NCAM2: variants seen among roughly 807,000 people sequenced by gnomAD.
The protein encoded by NCAM2 is N-CAM-2.
A neutral mutation model predicts 98.1 loss-of-function variants in NCAM2; 30 were observed. The observed-to-expected ratio is 0.31, with a 90% CI of 0.23 to 0.41. The LOEUF (loss-of-function observed/expected upper bound fraction) is 0.41. Ranked by LOEUF, NCAM2 falls within the 10% of genes least tolerant of loss-of-function variation. The pLI is 1.00. For missense variants in NCAM2, 867 were observed against 1,005.8 expected, an observed-to-expected ratio of 0.86 and a Z score of 1.87; for synonymous variants, 368 against 342.4, an observed-to-expected ratio of 1.07 and a Z score of -0.83.
chr21:21,279,834 C>T (rs1013487694), intron 1 of NCAM2, among the ~76,000 whole-genome samples: 6 of 152,184 alleles, frequency 3.9e-5, no homozygotes, highest in Admixed American at 1.3e-4. Flanking sequence ...AGCTCAAGTA[C>T]GTGCATTTGA....
chr21:21,073,260 C>G lies in NCAM2; in HGVS notation c.55+74642C>G, dbSNP rs143642115. ...TATAAATGCTATTCACCAAGACTTC[C>G]TTTTAAAATTCCATAAAATTTTTAG... On this transcript the variant is annotated intron_variant, in intron 1 of 17. Coordinates refer to ENST00000400546, the MANE Select transcript of NCAM2 (RefSeq NM_004540.5). Among the ~76,000 whole-genome samples, 61 of 152,222 alleles carry G rather than the reference C, an allele frequency of 4.0e-4. No homozygotes were observed. In the East Asian group the frequency reaches 0.011, roughly 27 times the overall value.
intron 5 of NCAM2, among the ~76,000 whole-genome samples, chr21:21,299,923 A>C (rs1428479642): frequency 2.0e-5 from 3 of 151,960 alleles, no homozygotes; most frequent in Admixed American, 6.6e-5. Flanking sequence ...TATAGCCTAC[A>C]CACATTCTTC....
At chr21:21,109,737 C>G (rs894109082) in intron 1 of NCAM2, among the ~76,000 whole-genome samples, 1 of 152,050 alleles carries the variant, frequency 6.6e-6, no homozygotes, top group African/African-American at 2.4e-5. Context: ...TTTTCTGTTT[C>G]TCAACTGTTA....
At chr21:21,104,698 G>A (rs2066310196) in intron 1 of NCAM2, among the ~76,000 whole-genome samples, 2 of 152,152 alleles carry the variant, frequency 1.3e-5, no homozygotes, top group African/African-American at 2.4e-5. Flanking sequence ...GCATTAGCAA[G>A]GTGTGGTAAC....
intron 1 of NCAM2, among the ~76,000 whole-genome samples, chr21:21,048,222 AACCTAAACATTTCATTTCT>A (rs2065037293): frequency 2.0e-5 from 3 of 152,168 alleles, no homozygotes; most frequent in Admixed American, 6.5e-5. Flanking sequence ...CCTTTATCTT[AACCTAAACATTTCATTTCT>A]ATTAATCCCA....
chr21:21,341,974 G>C (rs1224693623), intron 8 of NCAM2, among the ~76,000 whole-genome samples: 3 of 152,056 alleles, frequency 2.0e-5, no homozygotes, highest in African/African-American at 7.2e-5. Flanking sequence ...AGAAAAAAAG[G>C]AGTGGTTAGG....
chr21:21,436,759 C>CT (rs71322061), intron 12 of NCAM2, among the ~76,000 whole-genome samples: 53,819 of 141,448 alleles, frequency 0.38, 9,965 homozygotes, highest in South Asian at 0.5. Flanking sequence ...ACAGAAGCAA[C>CT]TTTTTTTTTC....
At chr21:21,218,535 A>G (rs2070003450) in intron 1 of NCAM2, among the ~76,000 whole-genome samples, 1 of 152,214 alleles carries the variant, frequency 6.6e-6, no homozygotes, top group Non-Finnish European at 1.5e-5. Flanking sequence ...CTTAAAATAG[A>G]AAGATTATTA....
At chr21:21,256,654 T>C (rs1405975730) in intron 1 of NCAM2, among the ~76,000 whole-genome samples, 7 of 152,150 alleles carry the variant, frequency 4.6e-5, no homozygotes, top group African/African-American at 1.7e-4. Flanking sequence ...TGAATCCAGA[T>C]ACTGAGATCA....
intron 11 of NCAM2, among the ~76,000 whole-genome samples, chr21:21,424,277 C>T (rs970755610): frequency 6.6e-6 from 1 of 152,188 alleles, no homozygotes; most frequent in Non-Finnish European, 1.5e-5. Context: ...AATTCCTAAT[C>T]ACTTTTTAAT....
At chr21:21,358,685 C>T (rs232485) in intron 8 of NCAM2, among the ~76,000 whole-genome samples, 54,419 of 151,710 alleles carry the variant, frequency 0.36, 9,972 homozygotes, top group East Asian at 0.58. Flanking sequence ...ACTAGTATTA[C>T]GTGGTAGTTT....
intron 16 of NCAM2, among the ~76,000 whole-genome samples, chr21:21,518,510 G>C (rs954412468): frequency 6.6e-6 from 1 of 151,724 alleles, no homozygotes; most frequent in Admixed American, 6.6e-5. Flanking sequence ...ATAATTTTCT[G>C]TACTTTTACA....
intron 1 of NCAM2, among the ~76,000 whole-genome samples, chr21:21,064,817 A>G (rs2065399332): frequency 6.6e-6 from 1 of 152,146 alleles, no homozygotes; most frequent in South Asian, 2.1e-4. Context: ...CTAGATGTCA[A>G]ATGAGTTAAG....
chr21:21,251,278 G>T (rs1230248047), intron 1 of NCAM2, among the ~76,000 whole-genome samples: 1 of 151,954 alleles, frequency 6.6e-6, no homozygotes, highest in Non-Finnish European at 1.5e-5. Flanking sequence ...TAGGTTTTAA[G>T]CCCCACATGC....
chr21:21,242,227 T>A (rs1393433639), intron 1 of NCAM2, among the ~76,000 whole-genome samples: 1 of 107,214 alleles, frequency 9.3e-6, no homozygotes, highest in Non-Finnish European at 1.9e-5. Context: ...AATTGACAAA[T>A]AATTGTATAT....
At chr21:21,343,618 G>T (rs1404995354) in intron 8 of NCAM2, among the ~76,000 whole-genome samples, 2 of 152,114 alleles carry the variant, frequency 1.3e-5, no homozygotes, top group African/African-American at 4.8e-5. Context: ...GTCCTGACCT[G>T]TTAGAGCAGA....
chr21:21,265,135 A>G (rs1160222591), intron 1 of NCAM2, among the ~76,000 whole-genome samples: 1 of 117,852 alleles, frequency 8.5e-6, no homozygotes, highest in Non-Finnish European at 1.6e-5. Flanking sequence ...TTATATATAC[A>G]TATATAATAT....
chr21:21,463,664 G>A (rs1402284094), intron 12 of NCAM2: 2 of 152,064 alleles, frequency 1.3e-5, no homozygotes, highest in Admixed American at 6.6e-5. Flanking sequence ...AACATGTGAG[G>A]AAACAGGGAA....
chr21:21,036,688 TG>T (rs751700854), intron 1 of NCAM2, among the ~76,000 whole-genome samples: 32 of 152,122 alleles, frequency 2.1e-4, no homozygotes, highest in Admixed American at 6.5e-5. Context: ...ACAATGGCCT[TG>T]GGACCAAGTT....
Sources: gnomAD v4.1 joint callset for allele counts (sites outside exome capture counted in the v4.1 genomes callset) on GRCh38, gnomAD v4.1.1 for gene constraint, MANE v1.5 for transcripts, NCBI Gene and HGNC (gene_info 2026-07-23, HGNC 2026-07-21) for gene names.